ACSBG2: variants seen among roughly 807,000 people sequenced by gnomAD.
ACSBG2 encodes acyl-CoA synthetase bubblegum family member 2.
Under a neutral mutation model 74.7 loss-of-function variants are expected in ACSBG2, and 62 were observed. That is an observed-to-expected ratio of 0.83 (90% CI 0.68 to 1.03). ACSBG2 has a LOEUF of 1.03. Among genes scored for constraint, ACSBG2 ranks in the 50% least tolerant of loss-of-function variants. ACSBG2 has a pLI of 0.00. For synonymous variants in ACSBG2, 309 were observed against 294.1 expected (o/e 1.05, Z -0.52); for missense variants, 730 against 817.6 (o/e 0.89, Z 1.31).
intron 2 of ACSBG2, among the ~76,000 whole-genome samples, chr19:6,142,752 C>A (rs375196998): frequency 0.013 from 1,539 of 115,226 alleles, no homozygotes; most frequent in Middle Eastern, 0.018. Flanking sequence ...GACTCTGTCT[C>A]AAAAAAAAAA....
At chr19:6,138,640 AG>A (rs776361350) in intron 1 of ACSBG2, among the ~76,000 whole-genome samples, 1,572 of 135,836 alleles carry the variant, frequency 0.012, 67 homozygotes, top group African/African-American at 0.04. Flanking sequence ...AAAGAAAGGA[AG>A]GGAAGGGAAG....
At chr19:6,152,894 G>A (rs976950646) in intron 4 of ACSBG2, among the ~76,000 whole-genome samples, 1 of 152,094 alleles carries the variant, frequency 6.6e-6, no homozygotes, top group Non-Finnish European at 1.5e-5. Context: ...GATGTCAGAG[G>A]TGACAAAGCA....
intron 1 of ACSBG2, among the ~76,000 whole-genome samples, chr19:6,141,096 T>C (rs2088811789): frequency 6.6e-6 from 1 of 152,202 alleles, no homozygotes; most frequent in Non-Finnish European, 1.5e-5. Context: ...CTTGGCCATG[T>C]GGAAAATTTA....
intron 2 of ACSBG2, among the ~76,000 whole-genome samples, chr19:6,144,699 CT>C (rs1259906205): frequency 6.6e-6 from 1 of 150,444 alleles, no homozygotes; most frequent in Non-Finnish European, 1.5e-5. Flanking sequence ...TTTTCTTTTT[CT>C]TTTTTTTTCT....
chr19:6,163,243 G>T (rs377693866), intron 6 of ACSBG2, among the ~76,000 whole-genome samples: 8,470 of 52,270 alleles, frequency 0.16, 1,293 homozygotes, highest in Admixed American at 0.22. Context: ...AGGTCAGGAG[G>T]TACAGACCAT....
At chr19:6,181,172 C>T (rs1339840003) in intron 8 of ACSBG2, among the ~76,000 whole-genome samples, 1 of 139,512 alleles carries the variant, frequency 7.2e-6, no homozygotes, top group African/African-American at 2.7e-5. Context: ...TGCAGTGAGC[C>T]GAGATGGTAC....
At chr19:6,136,792 G>T (rs887794580) in intron 1 of ACSBG2, among the ~76,000 whole-genome samples, 2 of 151,768 alleles carry the variant, frequency 1.3e-5, no homozygotes, top group African/African-American at 4.8e-5. Context: ...AATATTACTA[G>T]TAACTTACAA....
chr19:6,162,462 G>A (rs2089656049), intron 6 of ACSBG2, among the ~76,000 whole-genome samples: 1 of 150,308 alleles, frequency 6.7e-6, no homozygotes, highest in Non-Finnish European at 1.5e-5. Flanking sequence ...AGCTACTCGG[G>A]AGGCTGAGAC....
intron 7 of ACSBG2, chr19:6,176,407 G>C (rs539374019): frequency 1.6e-5 from 24 of 1,509,880 alleles, no homozygotes; most frequent in Non-Finnish European, 2.1e-5. Flanking sequence ...TCTGTCAGTT[G>C]AAAGTCCTTT....
rs1291338060 is a variant in ACSBG2, at chr19:6,192,680, A to C, written c.*48A>C. The C allele has an allele frequency of 2.0e-5, 3 of 152,316 alleles. No homozygotes were observed. The highest frequency in any genetic ancestry group is 7.2e-5 in the African/African-American group (3 of 41,558). The allele number at this position is 152,316 out of a possible 1,614,324, so 9.4% of individuals were successfully genotyped here. A position where few individuals can be genotyped will look rare whatever the true frequency, so the allele number is the denominator to read the frequency against. ...CTCCTCTTTGCAGCCTTCAGCAGGAAGACCTCATTGCAATAAGTGAAATGC... is the reference window on the plus strand; with the variant it reads ...CTCCTCTTTGCAGCCTTCAGCAGGACGACCTCATTGCAATAAGTGAAATGC... On this transcript the variant is annotated 3_prime_UTR_variant, in exon 15 of 15. Transcript: ENST00000588485.
chr19:6,162,169 G>A (rs183989669), intron 6 of ACSBG2, among the ~76,000 whole-genome samples: 4 of 151,084 alleles, frequency 2.6e-5, no homozygotes, highest in Admixed American at 2.0e-4. Flanking sequence ...AGGAGGTTGA[G>A]GCAGGAGAAT....
chr19:6,191,799 C>A (rs2090568905), intron 14 of ACSBG2: 1 of 152,186 alleles, frequency 6.6e-6, no homozygotes, highest in Non-Finnish European at 1.5e-5. Flanking sequence ...TCAACGTTAA[C>A]TGGTTTAACC....
chr19:6,168,162 C>T (rs544107071), intron 7 of ACSBG2, among the ~76,000 whole-genome samples: 3 of 152,236 alleles, frequency 2.0e-5, no homozygotes, highest in African/African-American at 7.2e-5. Flanking sequence ...CCTCTCCTCT[C>T]CTCCCTCTCT....
intron 9 of ACSBG2, 30 bp downstream of exon 9, chr19:6,182,962 G>C: frequency 6.2e-7 from 1 of 1,612,936 alleles, no homozygotes; most frequent in Non-Finnish European, 8.5e-7. Flanking sequence ...GGCTGGGAGG[G>C]TAGTTGGTGA....
At chr19:6,171,648 A>AT (rs1053751962) in intron 7 of ACSBG2, among the ~76,000 whole-genome samples, 6 of 151,174 alleles carry the variant, frequency 4.0e-5, no homozygotes, top group African/African-American at 9.7e-5. Flanking sequence ...TTTAAGATTT[A>AT]TTTTTTTTCT....
intron 13 of ACSBG2, among the ~76,000 whole-genome samples, chr19:6,189,374 A>G (rs1376476816): frequency 6.6e-6 from 1 of 152,138 alleles, no homozygotes; most frequent in African/African-American, 2.4e-5. Context: ...ACTGGATTCT[A>G]CTAATGTACT....
intron 13 of ACSBG2, among the ~76,000 whole-genome samples, chr19:6,189,551 CAG>C (rs1183707143): frequency 6.6e-6 from 1 of 151,928 alleles, no homozygotes; most frequent in Non-Finnish European, 1.5e-5. Flanking sequence ...TGTTTTGAGA[CAG>C]AGTCTTGCTC....
At chr19:6,159,065 C>G (rs1009745555) in intron 5 of ACSBG2, among the ~76,000 whole-genome samples, 2 of 152,050 alleles carry the variant, frequency 1.3e-5, no homozygotes, top group African/African-American at 4.8e-5. Flanking sequence ...TCAAGTGATT[C>G]TCATGCTTCA....
At position 6,151,688 on chromosome 19, in the gene ACSBG2, TTTGC is replaced by T. The variant is rs1028896073; in HGVS notation, c.298-16_298-13del. ...TCTGTGTTTATGTTTTGTTTTTCTG[TTTGC>T]TTTTTCCTTCCCAGCTGGGTTTGGA... On this transcript the variant is annotated splice_polypyrimidine_tract_variant and intron_variant, in intron 3 of 14. Coordinates refer to ENST00000588485, the MANE Select transcript of ACSBG2 (RefSeq NM_030924.5). 5 of 1,574,276 alleles carry T rather than the reference TTTGC, an allele frequency of 3.2e-6. No individual in the cohort carries two copies. In the African/African-American group the frequency reaches 6.7e-5, roughly 21 times the overall value.
Sources: gnomAD v4.1 joint callset for allele counts (sites outside exome capture counted in the v4.1 genomes callset) on GRCh38, gnomAD v4.1.1 for gene constraint, MANE v1.5 for transcripts, NCBI Gene and HGNC (gene_info 2026-07-23, HGNC 2026-07-21) for gene names.